MCCC1: variants seen among roughly 807,000 people sequenced by gnomAD.
MCCC1 encodes methylcrotonyl-CoA carboxylase subunit 1.
MCCC1 carries 64 observed loss-of-function variants against 83.8 expected under a neutral mutation model. The ratio of observed to expected loss-of-function variants is 0.76; its 90% CI spans 0.62 to 0.94. The LOEUF is 0.94. Among genes scored for constraint, MCCC1 ranks in the 40% least tolerant of loss-of-function variants. The probability of loss-of-function intolerance (pLI) is 0.00; values close to 1 mark genes in which losing one functional copy is unlikely to be tolerated. For missense variants in MCCC1, 807 were observed against 904.7 expected, an observed-to-expected ratio of 0.89 and a Z score of 1.39; for synonymous variants, 322 against 315.4, an observed-to-expected ratio of 1.02 and a Z score of -0.22.
intron 15 of MCCC1, among the ~76,000 whole-genome samples, chr3:183,024,806 C>T (rs1712449224): frequency 6.6e-6 from 1 of 151,780 alleles, no homozygotes; most frequent in African/African-American, 2.4e-5. Flanking sequence ...ATCCAAAGGA[C>T]AAAAAACAGG....
chr3:183,114,365 G>A (rs113228777), intron 1 of MCCC1, among the ~76,000 whole-genome samples: 17 of 151,998 alleles, frequency 1.1e-4, no homozygotes, highest in Admixed American at 2.6e-4. Context: ...AATTTTGAGC[G>A]TTAGCCGTCT....
At chr3:183,057,461 G>A (rs780621845) in intron 7 of MCCC1, 39 bp from the exon 8 acceptor site, 1 of 1,459,398 alleles carries the variant, frequency 6.9e-7, no homozygotes, top group Non-Finnish European at 9.5e-7. Context: ...ATATTTGTTA[G>A]GGGTGATAAA....
chr3:183,094,020 C>T (rs1718556772), intron 2 of MCCC1, among the ~76,000 whole-genome samples: 1 of 151,492 alleles, frequency 6.6e-6, no homozygotes, highest in South Asian at 2.1e-4. Flanking sequence ...TCCATTATTG[C>T]CCTCTGTATT....
intron 1 of MCCC1, among the ~76,000 whole-genome samples, chr3:183,110,864 C>T (rs894052086): frequency 2.6e-5 from 4 of 152,088 alleles, no homozygotes; most frequent in South Asian, 2.1e-4. Flanking sequence ...TATGGCTAGC[C>T]GGTTATCACA....
intron 7 of MCCC1, among the ~76,000 whole-genome samples, chr3:183,063,177 G>T (rs919885189): frequency 2.9e-5 from 1 of 34,482 alleles, no homozygotes; most frequent in Admixed American, 3.8e-4. Flanking sequence ...TAGAGACGGG[G>T]TTTCACTGTG....
At chr3:183,091,208 T>C (rs1718304448) in intron 3 of MCCC1, among the ~76,000 whole-genome samples, 1 of 152,212 alleles carries the variant, frequency 6.6e-6, no homozygotes, top group African/African-American at 2.4e-5. Flanking sequence ...CTTGGAGTCT[T>C]ACTGCAGGCA....
At chr3:183,041,454 AT>A (rs1173371500) in intron 11 of MCCC1, 112 bp downstream of exon 11, 1 of 1,140,528 alleles carries the variant, frequency 8.8e-7, no homozygotes, top group African/African-American at 1.6e-5. Flanking sequence ...TAAATTCTTT[AT>A]TTTAAAATAT....
intron 8 of MCCC1, among the ~76,000 whole-genome samples, chr3:183,057,013 T>C (rs1346717320): frequency 6.6e-6 from 1 of 152,178 alleles, no homozygotes; most frequent in Non-Finnish European, 1.5e-5. Context: ...CAATTTAAAA[T>C]GTGCGTTGAA....
At chr3:183,042,502 T>C (rs1180292630) in intron 10 of MCCC1, among the ~76,000 whole-genome samples, 1 of 152,216 alleles carries the variant, frequency 6.6e-6, no homozygotes, top group East Asian at 1.9e-4. Context: ...GAAAGCAATA[T>C]AGATACAGGA....
In MCCC1 at chr3:183,099,421, A is replaced by G; in HGVS notation, c.20T>C (p.Val7Ala). The G allele has an allele frequency of 6.2e-7, 1 of 1,606,676 alleles. No homozygotes were observed. The highest frequency in any genetic ancestry group is 8.5e-7 in the Non-Finnish European group (1 of 1,177,758). ...CTCCGCCGCCACCAGCAGCACCGAC[A>G]CCGCAGAGGCCGCCGCCATGTCCCT... MAAASA[V>A]SVLLVAAERN... The change falls in exon 1 of 19, where the codon GTG (valine) becomes GCG (alanine). Residue 7 changes from valine to alanine, a missense_variant. Transcript: ENST00000265594.
At chr3:183,041,527 A>C (rs935631087) in intron 11 of MCCC1, 40 bp downstream of exon 11, 6 of 1,609,604 alleles carry the variant, frequency 3.7e-6, no homozygotes, top group South Asian at 1.1e-5. Context: ...TGTACTAAAA[A>C]CTTAAAAAGA....
At chr3:183,081,200 G>C (rs1717467497) in intron 4 of MCCC1, among the ~76,000 whole-genome samples, 1 of 152,128 alleles carries the variant, frequency 6.6e-6, no homozygotes, top group Non-Finnish European at 1.5e-5. Context: ...GGATTAAAAG[G>C]GAAAACAACA....
chr3:183,077,605 A>G (rs1183395032), intron 4 of MCCC1, among the ~76,000 whole-genome samples: 3 of 141,766 alleles, frequency 2.1e-5, no homozygotes, highest in Non-Finnish European at 3.2e-5. Flanking sequence ...CAACAGTTTC[A>G]AGCTTTGAAG....
At chr3:183,088,884 T>C (rs113172060) in intron 3 of MCCC1, among the ~76,000 whole-genome samples, 4 of 152,254 alleles carry the variant, frequency 2.6e-5, no homozygotes, top group African/African-American at 9.6e-5. Context: ...TCATAGTTCA[T>C]TTAATCATGT....
At chr3:183,046,597 A>C in intron 9 of MCCC1, among the ~76,000 whole-genome samples, 1 of 151,952 alleles carries the variant, frequency 6.6e-6, no homozygotes, top group East Asian at 1.9e-4. Context: ...ATGGGGTTTC[A>C]CCATGTTGGC....
At chr3:183,046,783 C>G (rs1278237860) in intron 9 of MCCC1, among the ~76,000 whole-genome samples, 1 of 152,164 alleles carries the variant, frequency 6.6e-6, no homozygotes, top group Non-Finnish European at 1.5e-5. Flanking sequence ...AAAAGCTGAA[C>G]AAGCTGAAAA....
intron 16 of MCCC1, 56 bp from the exon 17 acceptor site, chr3:183,020,293 C>A: frequency 2.3e-6 from 3 of 1,280,470 alleles, no homozygotes; most frequent in Non-Finnish European, 3.4e-6. Context: ...TATATTTTTA[C>A]TAATATACCT....
intron 4 of MCCC1, among the ~76,000 whole-genome samples, chr3:183,072,815 G>A (rs1198442932): frequency 6.6e-6 from 1 of 152,194 alleles, no homozygotes; most frequent in Non-Finnish European, 1.5e-5. Flanking sequence ...TCCATCCTCA[G>A]GATGTTTTAA....
chr3:183,087,557 G>A (rs1717980144), intron 3 of MCCC1, among the ~76,000 whole-genome samples: 2 of 152,142 alleles, frequency 1.3e-5, no homozygotes, highest in African/African-American at 4.8e-5. Flanking sequence ...TGCCTAGAAG[G>A]GAAGTCAGGG....
Sources: gnomAD v4.1 joint callset for allele counts (sites outside exome capture counted in the v4.1 genomes callset) on GRCh38, gnomAD v4.1.1 for gene constraint, MANE v1.5 for transcripts, NCBI Gene and HGNC (gene_info 2026-07-23, HGNC 2026-07-21) for gene names.